The following PDE4D variants were observed in gnomAD, a reference collection of about 807,000 sequenced individuals.
PDE4D encodes 3',5'-cyclic-AMP phosphodiesterase 4D.
PDE4D carries 24 observed loss-of-function variants against 87.4 expected under a neutral mutation model. That is an observed-to-expected ratio of 0.27 (90% CI 0.20 to 0.39). The LOEUF (loss-of-function observed/expected upper bound fraction) is 0.39, where lower values mean the gene tolerates loss of function less well. Ranked by LOEUF, PDE4D falls within the 10% of genes least tolerant of loss-of-function variation. The pLI is 1.00. For missense variants in PDE4D, 714 were observed against 1,041.0 expected, an observed-to-expected ratio of 0.69 and a Z score of 4.32; for synonymous variants, 384 against 383.2, an observed-to-expected ratio of 1.00 and a Z score of -0.02.
intron 1 of PDE4D, among the ~76,000 whole-genome samples, chr5:59,652,884 A>G (rs1252733349): frequency 2.0e-5 from 3 of 152,126 alleles, no homozygotes; most frequent in African/African-American, 7.2e-5. Flanking sequence ...AAAATGCTGA[A>G]TTCTTTTATT....
chr5:59,295,121 C>CTTG (rs1178001021), intron 1 of PDE4D, among the ~76,000 whole-genome samples: 1 of 152,130 alleles, frequency 6.6e-6, no homozygotes, highest in Non-Finnish European at 1.5e-5. Context: ...GGCACAAAAG[C>CTTG]TTGACAAAGC....
chr5:59,430,993 G>T (rs1303465280), intron 1 of PDE4D, among the ~76,000 whole-genome samples: 1 of 152,040 alleles, frequency 6.6e-6, no homozygotes, highest in African/African-American at 2.4e-5. Context: ...AAAATTGTGG[G>T]TTCTTATTCA....
At chr5:59,074,142 CA>C (rs1350174031) in intron 5 of PDE4D, among the ~76,000 whole-genome samples, 1 of 152,062 alleles carries the variant, frequency 6.6e-6, no homozygotes, top group Admixed American at 6.5e-5. Flanking sequence ...ACACATAATT[CA>C]AGGAACGTTT....
chr5:59,751,389 A>T (rs1197451862), intron 1 of PDE4D, among the ~76,000 whole-genome samples: 1 of 152,160 alleles, frequency 6.6e-6, no homozygotes, highest in Non-Finnish European at 1.5e-5. Flanking sequence ...TAGCTGAAAG[A>T]TGGTATAGAT....
chr5:59,940,857 T>C (rs1002808643), intron 3 of PDE4D, among the ~76,000 whole-genome samples: 1 of 152,164 alleles, frequency 6.6e-6, no homozygotes, highest in Non-Finnish European at 1.5e-5. Flanking sequence ...CATGACACAT[T>C]GCACACTGGC....
intron 1 of PDE4D, among the ~76,000 whole-genome samples, chr5:59,691,452 G>C (rs919609880): frequency 7.3e-5 from 11 of 151,652 alleles, no homozygotes; most frequent in African/African-American, 2.2e-4. Context: ...CCATCATTCT[G>C]AGCAAACTAT....
At chr5:60,109,317 T>C (rs1378052279) in intron 2 of PDE4D, among the ~76,000 whole-genome samples, 3 of 152,052 alleles carry the variant, frequency 2.0e-5, no homozygotes, top group Non-Finnish European at 2.9e-5. Flanking sequence ...TGAGATACCA[T>C]CTCACACCAG....
chr5:59,566,124 G>A (rs193050456), intron 1 of PDE4D, among the ~76,000 whole-genome samples: 2 of 152,272 alleles, frequency 1.3e-5, no homozygotes, highest in African/African-American at 2.4e-5. Context: ...AAGACTGAAT[G>A]GGTAACATTT....
chr5:60,150,245 G>T (rs1041510502), intron 2 of PDE4D, among the ~76,000 whole-genome samples: 2 of 151,782 alleles, frequency 1.3e-5, no homozygotes, highest in Non-Finnish European at 2.9e-5. Flanking sequence ...AGAGATCATG[G>T]ACTGAGTTGG....
chr5:59,891,787 T>TCACACA (rs55796463), intron 1 of PDE4D, among the ~76,000 whole-genome samples: 5,613 of 150,202 alleles, frequency 0.037, 337 homozygotes, highest in African/African-American at 0.12. Context: ...AGAGACATGC[T>TCACACA]CACACACACA....
intron 5 of PDE4D, among the ~76,000 whole-genome samples, chr5:59,176,824 G>A (rs1027836221): frequency 6.6e-6 from 1 of 152,134 alleles, no homozygotes; most frequent in African/African-American, 2.4e-5. Context: ...CTGAACAACA[G>A]TGTATCATCT....
chr5:60,008,336 C>T lies in PDE4D; in HGVS notation c.43-19619G>A, dbSNP rs116297900. On this transcript the variant is annotated intron_variant, in intron 2 of 16. Coordinates refer to the PDE4D transcript ENST00000502484. ...GAACACAAACACAGGATCACACACC[C>T]TCACAGTAGCAAGAGTAAATCCCAG... Among the ~76,000 whole-genome samples, 583 of 152,068 alleles carry T rather than the reference C, an allele frequency of 3.8e-3. 3 individuals are homozygous for T. The highest frequency in any genetic ancestry group is 0.013 in the African/African-American group (547 of 41,534).
rs150771070 is a variant in PDE4D at position 59,450,647 on chromosome 5, C to A, written c.456-234679G>T. ...CTTCTTTCTTCTCAAATACTTGAGT[C>A]CCCACTTCCCACACACAGCAGATGA... On this transcript the variant is annotated intron_variant, in intron 1 of 14. Transcript: ENST00000340635. 2.4e-3 allele frequency among the ~76,000 whole-genome samples: 358 copies of A among 152,304 alleles called. 3 individuals are homozygous for A. Among genetic ancestry groups the A allele is most frequent in the African/African-American group, 7.9e-3 (330 of 41,550 alleles).
chr5:60,357,437 T>G (rs1338465669), intron 1 of PDE4D, among the ~76,000 whole-genome samples: 1 of 152,208 alleles, frequency 6.6e-6, no homozygotes, highest in Non-Finnish European at 1.5e-5. Context: ...GAATAAACCA[T>G]GCCATGCCTT....
At chr5:59,387,893 A>G (rs1787414573) in intron 1 of PDE4D, among the ~76,000 whole-genome samples, 1 of 152,066 alleles carries the variant, frequency 6.6e-6, no homozygotes, top group Non-Finnish European at 1.5e-5. Context: ...TCTGGAACTT[A>G]TTCCTCCTGT....
rs373046412 is a variant in PDE4D at position 60,107,443 on chromosome 5, C to G, written c.42+78114G>C. On this transcript the variant is annotated intron_variant, in intron 2 of 16. Coordinates refer to the PDE4D transcript ENST00000502484. ...CTACCAGAGGTACAAGGAGGAGCTGCTACCATTCCTTCTGAAACTATTCCA... is the reference window on the plus strand; with the variant it reads ...CTACCAGAGGTACAAGGAGGAGCTGGTACCATTCCTTCTGAAACTATTCCA... 3.3e-3 allele frequency among the ~76,000 whole-genome samples: 499 copies of G among 152,160 alleles called. 5 individuals are homozygous for G. The highest frequency in any genetic ancestry group is 0.024 in the East Asian group (124 of 5,156).
chr5:59,539,054 C>G (rs905835050), intron 1 of PDE4D, among the ~76,000 whole-genome samples: 1 of 152,170 alleles, frequency 6.6e-6, no homozygotes, highest in Non-Finnish European at 1.5e-5. Flanking sequence ...ATCCTATATT[C>G]TGCCTCATCC....
chr5:59,495,216 A>G (rs1226204904), intron 1 of PDE4D, among the ~76,000 whole-genome samples: 1 of 152,222 alleles, frequency 6.6e-6, no homozygotes, highest in Non-Finnish European at 1.5e-5. Context: ...ACACTCTTCC[A>G]AAATGTTTAC....
chr5:59,947,785 G>A (rs1290486521), intron 3 of PDE4D, among the ~76,000 whole-genome samples: 1 of 152,192 alleles, frequency 6.6e-6, no homozygotes, highest in Non-Finnish European at 1.5e-5. Context: ...GAGGCAGGTG[G>A]ATCACAAGGT....
Sources: gnomAD v4.1 joint callset for allele counts (sites outside exome capture counted in the v4.1 genomes callset) on GRCh38, gnomAD v4.1.1 for gene constraint, MANE v1.5 for transcripts, NCBI Gene and HGNC (gene_info 2026-07-23, HGNC 2026-07-21) for gene names.